Variants in STRN3 observed in about 807,000 individuals in gnomAD.
STRN3 encodes the protein striatin 3.
In STRN3, 29 loss-of-function variants were observed where a neutral mutation model predicts 95.6. The ratio of observed to expected loss-of-function variants is 0.30; its 90% CI spans 0.23 to 0.41. The LOEUF (loss-of-function observed/expected upper bound fraction) is 0.41. STRN3 is among the 10% of genes least tolerant of loss of function. The pLI, the probability that STRN3 is intolerant of heterozygous loss-of-function variation, is 1.00. For missense variants in STRN3, 890 were observed against 972.1 expected (o/e 0.92, Z 1.12); for synonymous variants, 331 against 357.6 (o/e 0.93, Z 0.84).
chr14:30,938,616 G>T (rs375511381), intron 5 of STRN3, among the ~76,000 whole-genome samples: 2 of 152,080 alleles, frequency 1.3e-5, no homozygotes, highest in Non-Finnish European at 1.5e-5. Flanking sequence ...ATAAAAGAAA[G>T]AATTGGTCAA....
At chr14:30,913,412 C>A in intron 10 of STRN3, 112 bp downstream of exon 10, 2 of 1,182,816 alleles carry the variant, frequency 1.7e-6, no homozygotes, top group Non-Finnish European at 2.3e-6. Flanking sequence ...CACATTGACA[C>A]AAACTTATCT....
Position 31,026,312 on chromosome 14 carries a change from G to A in STRN3, c.-127C>T. The A allele has an allele frequency of 3.8e-6, 4 of 1,038,984 alleles. No individual in the cohort carries two copies. Among genetic ancestry groups the A allele is most frequent in the Non-Finnish European group, 5.1e-6 (4 of 781,710 alleles). 64.4% of individuals were successfully genotyped at this position (1,038,984 alleles called of 1,614,324 possible). ...GGAGAGGGGCGGGGAAGGGGTCGTT[G>A]CTGTGTGCCTGCCGTGGGTCAGAGC... On this transcript the variant is annotated 5_prime_UTR_variant, in exon 1 of 18. Transcript: ENST00000357479.
chr14:30,945,630 A>T (rs2139108646), intron 5 of STRN3, among the ~76,000 whole-genome samples: 1 of 152,306 alleles, frequency 6.6e-6, no homozygotes, highest in South Asian at 2.1e-4. Context: ...TAAAATAAAA[A>T]AGAAACACAT....
chr14:30,939,355 G>A (rs1039441602), intron 5 of STRN3, among the ~76,000 whole-genome samples: 1 of 151,952 alleles, frequency 6.6e-6, no homozygotes, highest in East Asian at 1.9e-4. Flanking sequence ...AATGAGGTAG[G>A]GTCACAAACT....
Position 30,975,366 on chromosome 14 carries a change from A to G in STRN3, c.283-19124T>C, listed in dbSNP as rs142642434. Among the ~76,000 whole-genome samples, 569 of 152,060 alleles carry G rather than the reference A, an allele frequency of 3.7e-3. 5 individuals carry two copies. Among genetic ancestry groups the G allele is most frequent in the African/African-American group, 0.013 (534 of 41,516 alleles). On this transcript the variant is annotated intron_variant, in intron 1 of 17. Transcript: ENST00000357479. ...AGCCAAGCTATGGAGATGCAAAGAC[A>G]TAAGAATGATATAATGAACTTTGGG...
intron 1 of STRN3, among the ~76,000 whole-genome samples, chr14:31,015,988 G>A (rs1050365689): frequency 1.3e-4 from 20 of 152,216 alleles, no homozygotes; most frequent in African/African-American, 4.8e-4. Context: ...TTCATTAGGG[G>A]AATGTAAATT....
chr14:30,983,774 A>T, intron 1 of STRN3, among the ~76,000 whole-genome samples: 1 of 152,338 alleles, frequency 6.6e-6, no homozygotes, highest in Admixed American at 6.5e-5. Context: ...ATTTATTACT[A>T]TAGTACTAAA....
At chr14:31,002,186 A>G (rs1245218997) in intron 1 of STRN3, among the ~76,000 whole-genome samples, 1 of 142,102 alleles carries the variant, frequency 7.0e-6, no homozygotes, top group African/African-American at 2.7e-5. Context: ...AAAAAAAAAA[A>G]AACAAGGCCA....
chr14:30,899,860 A>C (rs1342720767), intron 16 of STRN3, among the ~76,000 whole-genome samples: 1 of 152,190 alleles, frequency 6.6e-6, no homozygotes, highest in African/African-American at 2.4e-5. Context: ...ATTTTTATTA[A>C]AATGGTTTAC....
chr14:30,928,096 T>C (rs1878283686), intron 8 of STRN3, among the ~76,000 whole-genome samples: 1 of 152,124 alleles, frequency 6.6e-6, no homozygotes, highest in Non-Finnish European at 1.5e-5. Flanking sequence ...CAAATGTTTT[T>C]AAATACAATA....
chr14:30,913,727 T>C (rs1040840755), intron 9 of STRN3, 70 bp from the exon 10 acceptor site: 4 of 1,502,052 alleles, frequency 2.7e-6, no homozygotes, highest in Admixed American at 4.1e-5. Context: ...GTGGGGAAAA[T>C]TTAAGCACTT....
At chr14:31,015,376 AT>A (rs1265146478) in intron 1 of STRN3, among the ~76,000 whole-genome samples, 1,787 of 142,694 alleles carry the variant, frequency 0.013, 25 homozygotes, top group African/African-American at 0.038. Flanking sequence ...AACACTTTCA[AT>A]TTTTTTTTTT....
At chr14:30,936,733 C>T in intron 5 of STRN3, 109 bp from the exon 6 acceptor site, 1 of 1,306,540 alleles carries the variant, frequency 7.7e-7, no homozygotes, top group Non-Finnish European at 1.0e-6. Context: ...ATTCGAATGA[C>T]TACCTACTGT....
Position 30,947,211 on chromosome 14 carries a change from G to A in STRN3, c.595C>T (p.Arg199Trp), listed in dbSNP as rs750243700. ...TDTILDVRSQRVRSLLGLSNS... is the reference protein window; with the variant it reads ...TDTILDVRSQWVRSLLGLSNS... Reference sequence around the variant, plus strand: ...GATAGTCCAAGTAATGACCTTACCCGCTGAGACCGTACATCTAATATTGTA... The same window carrying A: ...GATAGTCCAAGTAATGACCTTACCCACTGAGACCGTACATCTAATATTGTA... The change falls in exon 5 of 18, where the codon CGG becomes TGG. Residue 199 changes from arginine to tryptophan, a missense_variant. Coordinates refer to ENST00000357479, the MANE Select transcript of STRN3 (RefSeq NM_001083893.2). 7.4e-6 allele frequency: 12 copies of A among 1,611,006 alleles called. No individual in the cohort carries two copies. The highest frequency in any genetic ancestry group is 4.4e-5 in the South Asian group (4 of 90,562).
At chr14:30,896,466 C>T (rs1455571402) in intron 16 of STRN3, among the ~76,000 whole-genome samples, 3 of 151,652 alleles carry the variant, frequency 2.0e-5, no homozygotes, top group Non-Finnish European at 4.4e-5. Flanking sequence ...CTGTGAGTGG[C>T]CACTGTACTC....
At chr14:31,021,835 G>A (rs1028772859) in intron 1 of STRN3, among the ~76,000 whole-genome samples, 6 of 152,240 alleles carry the variant, frequency 3.9e-5, no homozygotes, top group South Asian at 2.1e-4. Flanking sequence ...AGAAGAAAGC[G>A]AAAAGGCAGA....
intron 10 of STRN3, among the ~76,000 whole-genome samples, chr14:30,913,188 A>G (rs1204036449): frequency 6.6e-6 from 1 of 152,224 alleles, no homozygotes; most frequent in African/African-American, 2.4e-5. Context: ...AAGTACTCTG[A>G]AGGCAAATAT....
At chr14:30,905,094 C>T (rs1896426753) in intron 15 of STRN3, among the ~76,000 whole-genome samples, 1 of 152,038 alleles carries the variant, frequency 6.6e-6, no homozygotes, top group African/African-American at 2.4e-5. Context: ...TAAAACACCA[C>T]ATAATGCATG....
intron 1 of STRN3, among the ~76,000 whole-genome samples, chr14:31,006,989 AAAAT>A (rs1348385225): frequency 5.9e-5 from 9 of 152,204 alleles, no homozygotes; most frequent in African/African-American, 1.9e-4. Flanking sequence ...CCCTGTCTCT[AAAAT>A]AAATAAATAA....
Sources: allele counts gnomAD v4.1 joint callset (sites outside exome capture counted in the v4.1 genomes callset), GRCh38; gene constraint gnomAD v4.1.1; transcripts MANE v1.5; gene names NCBI Gene and HGNC (gene_info 2026-07-23, HGNC 2026-07-21).